The following APBB1 variants were observed in gnomAD, a reference collection of about 807,000 sequenced individuals.
APBB1 encodes the protein adaptor protein FE65a2.
APBB1 carries 22 observed loss-of-function variants against 78.4 expected under a neutral mutation model. The ratio of observed to expected loss-of-function variants is 0.28; its 90% CI spans 0.20 to 0.40. The LOEUF is 0.40. Among genes scored for constraint, APBB1 ranks in the 10% least tolerant of loss-of-function variants. The probability of loss-of-function intolerance (pLI) is 1.00; values close to 1 mark genes in which losing one functional copy is unlikely to be tolerated. For synonymous variants in APBB1, 369 were observed against 372.7 expected (o/e 0.99, Z 0.12); for missense variants, 749 against 932.4 (o/e 0.80, Z 2.56).
rs576275407 is a variant in APBB1 at position 6,395,477 on chromosome 11, C to A, written c.*57G>T. The A allele has an allele frequency of 6.1e-6, 9 of 1,479,888 alleles. No homozygotes were observed. The African/African-American group carries it at 1.3e-4, about 21-fold the overall frequency. The allele number at this position is 1,479,888 out of a possible 1,614,324, so 91.7% of individuals were successfully genotyped here. A position where few individuals can be genotyped will look rare whatever the true frequency, so the allele number is the denominator to read the frequency against. On this transcript the variant is annotated 3_prime_UTR_variant, in exon 15 of 15. Coordinates refer to ENST00000609360, the MANE Select transcript of APBB1 (RefSeq NM_001164.5). This position sits in a 1 kb window ranked among gnomAD's most constrained non-coding sequence, Gnocchi z 5.2. Reference sequence around the variant, plus strand: ...AGCCTCTAGACCCCTCCCTGACCCACACCCTTTAGTTCCCTGGGGCCCAAC... The same window carrying A: ...AGCCTCTAGACCCCTCCCTGACCCAAACCCTTTAGTTCCCTGGGGCCCAAC...
chr11:6,405,097 C>T, intron 2 of APBB1: 3 of 1,360,990 alleles, frequency 2.2e-6, no homozygotes, highest in African/African-American at 2.9e-5. Flanking sequence ...TCCCCTCCCC[C>T]AATCCTGAAT....
chr11:6,414,581 C>T (rs1278058694), intron 1 of APBB1, among the ~76,000 whole-genome samples: 1 of 152,068 alleles, frequency 6.6e-6, no homozygotes, highest in Non-Finnish European at 1.5e-5. Flanking sequence ...GGCTGTGTGG[C>T]CCAATGGGCT....
chr11:6,395,186 A>G lies in APBB1; in HGVS notation c.*348T>C. 4.0e-6 allele frequency: 1 copy of G among 252,712 alleles called. No individual in the cohort carries two copies. 15.7% of individuals were successfully genotyped at this position (252,712 alleles called of 1,614,324 possible). Reference sequence around the variant, plus strand: ...GCAGAGGTGCCCATGGAGCAGGGGGAAGGGACCCATGCCTGGACCAGTCCC... The same window carrying G: ...GCAGAGGTGCCCATGGAGCAGGGGGGAGGGACCCATGCCTGGACCAGTCCC... On this transcript the variant is annotated 3_prime_UTR_variant, in exon 15 of 15. Coordinates refer to ENST00000609360, the MANE Select transcript of APBB1 (RefSeq NM_001164.5). The surrounding 1 kb of genome is among the most constrained non-coding windows in gnomAD (Gnocchi z 5.2).
intron 2 of APBB1, among the ~76,000 whole-genome samples, chr11:6,407,092 G>A (rs912763391): frequency 2.0e-5 from 3 of 152,184 alleles, no homozygotes; most frequent in Non-Finnish European, 4.4e-5. Flanking sequence ...ACAATAGGAA[G>A]GAGAATATAA....
chr11:6,416,991 G>A (rs746943261), intron 1 of APBB1, among the ~76,000 whole-genome samples: 7 of 152,164 alleles, frequency 4.6e-5, no homozygotes, highest in South Asian at 2.1e-4. Context: ...TGATCCGCCC[G>A]CCTTGGCCTC....
At position 6,418,835 on chromosome 11, in the gene APBB1, C is replaced by T. The variant is rs906270147; in HGVS notation, c.-15+150G>A. 5.8e-5 allele frequency: 21 copies of T among 363,060 alleles called. No homozygotes were observed. In the Middle Eastern group the frequency reaches 2.8e-3, roughly 49 times the overall value. 22.5% of individuals were successfully genotyped at this position (363,060 alleles called of 1,614,324 possible). On this transcript the variant is annotated intron_variant, in intron 1 of 14. Coordinates refer to ENST00000609360, the MANE Select transcript of APBB1 (RefSeq NM_001164.5). ...ATGGTGGGTATGAGAGGACGGTCTG[C>T]GGGCGCGCGGTGGAAGGGCGACCCG...
At chr11:6,397,122 C>G (rs1355819927) in intron 12 of APBB1, among the ~76,000 whole-genome samples, 6 of 152,228 alleles carry the variant, frequency 3.9e-5, no homozygotes, top group Non-Finnish European at 8.8e-5. Flanking sequence ...GTTCTAGTCC[C>G]CACACTCATA....
intron 12 of APBB1, among the ~76,000 whole-genome samples, chr11:6,399,196 C>A (rs890180529): frequency 3.9e-5 from 6 of 152,176 alleles, no homozygotes; most frequent in African/African-American, 1.4e-4. Context: ...AGCTACTCTA[C>A]ATCCATGGCT....
intron 1 of APBB1, among the ~76,000 whole-genome samples, chr11:6,413,125 G>A (rs533540285): frequency 4.0e-5 from 6 of 150,926 alleles, no homozygotes; most frequent in South Asian, 2.1e-4. Flanking sequence ...ACCAGCCCCC[G>A]ATTTCAGTTA....
chr11:6,403,796 C>G lies in APBB1; in HGVS notation c.748G>C (p.Glu250Gln), dbSNP rs1196939867. Reference protein sequence around the residue: ...TDSFWNPNAFETDSDLPAGWM... With the variant: ...TDSFWNPNAFQTDSDLPAGWM... Reference sequence around the variant, plus strand: ...CCAGCCGGCAGGTCGGAATCCGTCTCGAAGGCGTTGGGGTTCCAGAAGGAA... The same window carrying G: ...CCAGCCGGCAGGTCGGAATCCGTCTGGAAGGCGTTGGGGTTCCAGAAGGAA... The change falls in exon 3 of 15, where the codon GAG (glutamate) becomes CAG (glutamine). Residue 250 changes from glutamate (E) to glutamine (Q), a missense_variant. Transcript: ENST00000609360. This position sits in a 1 kb window ranked among gnomAD's most constrained non-coding sequence, Gnocchi z 5.3. The G allele has an allele frequency of 6.4e-7, 1 of 1,565,480 alleles. No homozygotes were observed. Among genetic ancestry groups the G allele is most frequent in the African/African-American group, 1.4e-5 (1 of 73,442 alleles).
chr11:6,401,009 A>G lies in APBB1; in HGVS notation c.1652T>C (p.Val551Ala). ...CATACCAACAGGTTTAGCAACAGGTACATTCCCCAGGTAATAGACTTGGAA... is the reference window on the plus strand; with the variant it reads ...CATACCAACAGGTTTAGCAACAGGTGCATTCCCCAGGTAATAGACTTGGAA... The part of the protein sequence containing the change: ...QKFQVYYLGN[V>A]PVAKPVGVDV... The change falls in exon 12 of 15, where the codon GTA becomes GCA. Residue 551 changes from valine to alanine, a missense_variant. Transcript: ENST00000609360. The surrounding 1 kb of genome is among the most constrained non-coding windows in gnomAD (Gnocchi z 4.5). The G allele has an allele frequency of 6.2e-7, 1 of 1,614,172 alleles. No individual in the cohort carries two copies. The highest frequency in any genetic ancestry group is 8.5e-7 in the Non-Finnish European group (1 of 1,180,018).
rs756466383 is a variant in APBB1 at position 6,403,559 on chromosome 11, G to T, written c.898-15C>A. 2.5e-6 allele frequency: 4 copies of T among 1,614,172 alleles called. No individual in the cohort carries two copies. In the South Asian group the frequency reaches 4.4e-5, roughly 18 times the overall value. Reference sequence around the variant, plus strand: ...GTCCAGGTGAGCTAGGAGGAGGGATGGGAGTAGTGAGTGAGTGTCCTATCC... The same window carrying T: ...GTCCAGGTGAGCTAGGAGGAGGGATTGGAGTAGTGAGTGAGTGTCCTATCC... On this transcript the variant is annotated splice_polypyrimidine_tract_variant and intron_variant, in intron 3 of 14. Transcript: ENST00000609360. The surrounding 1 kb of genome is among the most constrained non-coding windows in gnomAD (Gnocchi z 5.3).
Position 6,401,618 on chromosome 11 carries a change from G to A in APBB1, c.1459C>T (p.Pro487Ser), listed in dbSNP as rs778976904. The change falls in exon 10 of 15, where the codon CCT (proline) becomes TCT (serine). Residue 487 changes from proline to serine, a missense_variant. Physicochemically the swap from Pro to Ser is moderately conservative, Grantham distance 74. Coordinates refer to ENST00000609360, the MANE Select transcript of APBB1 (RefSeq NM_001164.5). The surrounding 1 kb of genome is among the most constrained non-coding windows in gnomAD (Gnocchi z 4.5). The part of the protein sequence containing the change: ...LKCHVFRCEA[P>S]AKNIATSLHE... The stretch of plus-strand genomic sequence containing the variant: ...AGGCTGGTGGCGATGTTCTTGGCAG[G>A]TGCCTCACAGCGAAACACGTGGCAC... 63 of 1,614,064 alleles carry A rather than the reference G, an allele frequency of 3.9e-5. 1 individual carries two copies. The South Asian group carries it at 6.1e-4, about 16-fold the overall frequency.
At chr11:6,404,858 C>G in intron 2 of APBB1, 1 of 1,530,020 alleles carries the variant, frequency 6.5e-7, no homozygotes, top group South Asian at 1.2e-5. Flanking sequence ...CCAGCCCAGC[C>G]AGCTGGGCTC....
At chr11:6,412,568 C>A (rs1054938689) in intron 1 of APBB1, among the ~76,000 whole-genome samples, 1 of 152,192 alleles carries the variant, frequency 6.6e-6, no homozygotes, top group East Asian at 1.9e-4. Context: ...TCTTCCCCAG[C>A]GCCTGTCACC....
chr11:6,414,893 A>G (rs1399216362), intron 1 of APBB1, among the ~76,000 whole-genome samples: 1 of 152,096 alleles, frequency 6.6e-6, no homozygotes, highest in Non-Finnish European at 1.5e-5. Flanking sequence ...GCAGAGACCA[A>G]CCTCCTAGGC....
chr11:6,402,299 G>T, intron 7 of APBB1, 90 bp from the exon 8 acceptor site: 1 of 1,551,362 alleles, frequency 6.4e-7, no homozygotes, highest in Non-Finnish European at 8.7e-7. Context: ...GTTAGCCACA[G>T]CTCTGGGGCC....
intron 6 of APBB1, 182 bp from the exon 7 acceptor site, chr11:6,402,907 G>T: frequency 2.4e-6 from 2 of 832,840 alleles, no homozygotes; most frequent in South Asian, 1.8e-5. Flanking sequence ...TGAGACCCCA[G>T]CTAGTACAAA....
In APBB1 at chr11:6,395,393, AGG is replaced by A. The variant is rs1683441201; in HGVS notation, c.*139_*140del. 1.1e-6 allele frequency: 1 copy of A among 881,438 alleles called. No individual in the cohort carries two copies. The highest frequency in any genetic ancestry group is 1.6e-6 in the Non-Finnish European group (1 of 610,614). The allele number at this position is 881,438 out of a possible 1,614,324, so 54.6% of individuals were successfully genotyped here. A position where few individuals can be genotyped will look rare whatever the true frequency, so the allele number is the denominator to read the frequency against. On this transcript the variant is annotated 3_prime_UTR_variant, in exon 15 of 15. Transcript: ENST00000609360. This position sits in a 1 kb window ranked among gnomAD's most constrained non-coding sequence, Gnocchi z 5.2. ...TTAGATCTCTCCCTCCCCAGCTCCTAGGCAGGGAACCGTAGCTACTGGGGAGG... is the reference window on the plus strand; with the variant it reads ...TTAGATCTCTCCCTCCCCAGCTCCTACAGGGAACCGTAGCTACTGGGGAGG...
Sources: gnomAD v4.1 joint callset for allele counts (sites outside exome capture counted in the v4.1 genomes callset) on GRCh38, gnomAD v4.1.1 for gene constraint, Gnocchi (gnomAD v3.1) non-coding constraint, MANE v1.5 for transcripts, NCBI Gene and HGNC (gene_info 2026-07-23, HGNC 2026-07-21) for gene names.